MGAT5: variants seen among roughly 807,000 people sequenced by gnomAD.
The protein encoded by MGAT5 is alpha-1,6-mannosylglycoprotein 6-beta-N-acetylglucosaminyltransferase, also known as alpha-1,6-mannosylglycoprotein 6-beta-N-acetylglucosaminyltransferase A.
In MGAT5, 30 loss-of-function variants were observed where a neutral mutation model predicts 94.3. That is an observed-to-expected ratio of 0.32 (90% CI 0.24 to 0.43). The LOEUF (loss-of-function observed/expected upper bound fraction) is 0.43, where lower values mean the gene tolerates loss of function less well. MGAT5 is among the 20% of genes least tolerant of loss of function. The probability of loss-of-function intolerance (pLI) is 1.00; values close to 1 mark genes in which losing one functional copy is unlikely to be tolerated. For synonymous variants in MGAT5, 310 were observed against 322.9 expected, an observed-to-expected ratio of 0.96 and a Z score of 0.43; for missense variants, 691 against 905.5, an observed-to-expected ratio of 0.76 and a Z score of 3.04.
intron 10 of MGAT5, among the ~76,000 whole-genome samples, chr2:134,401,513 C>T (rs1049751826): frequency 2.0e-5 from 3 of 152,072 alleles, no homozygotes; most frequent in Admixed American, 1.3e-4. Flanking sequence ...GGTAACAGAG[C>T]CCCCTGCCTA....
At chr2:134,426,867 T>C (rs1684619688) in intron 13 of MGAT5, among the ~76,000 whole-genome samples, 1 of 152,222 alleles carries the variant, frequency 6.6e-6, no homozygotes, top group Admixed American at 6.5e-5. Context: ...ATGAGCTGTC[T>C]AGGAATAGAG....
intron 1 of MGAT5, among the ~76,000 whole-genome samples, chr2:134,199,543 A>C (rs1573849471): frequency 6.8e-6 from 1 of 147,446 alleles, no homozygotes. Context: ...ACCTCCTTCC[A>C]CTATTTGTTC....
chr2:134,314,885 G>A (rs1367460231), intron 2 of MGAT5, among the ~76,000 whole-genome samples: 1 of 152,146 alleles, frequency 6.6e-6, no homozygotes, highest in African/African-American at 2.4e-5. Flanking sequence ...GCCTGATTCT[G>A]TAAATAACAT....
chr2:134,319,950 G>C, intron 4 of MGAT5: 1 of 223,888 alleles, frequency 4.5e-6, no homozygotes, highest in South Asian at 5.5e-5. Context: ...CATCACATCT[G>C]TACTCTTGAA....
chr2:134,391,880 T>C (rs148080783), intron 10 of MGAT5, among the ~76,000 whole-genome samples: 61 of 152,342 alleles, frequency 4.0e-4, no homozygotes, highest in Middle Eastern at 3.4e-3. Context: ...GGGTGGTTAT[T>C]ACCTGAAGAG....
intron 1 of MGAT5, among the ~76,000 whole-genome samples, chr2:134,265,497 C>T (rs1356677042): frequency 6.6e-6 from 1 of 152,190 alleles, no homozygotes; most frequent in Non-Finnish European, 1.5e-5. Flanking sequence ...GCAGTTTAAT[C>T]GACCTTACCA....
chr2:134,202,877 A>T (rs1679862971), intron 1 of MGAT5, among the ~76,000 whole-genome samples: 1 of 152,174 alleles, frequency 6.6e-6, no homozygotes, highest in Non-Finnish European at 1.5e-5. Context: ...CTGTAATGTA[A>T]AAGGAAAAAA....
chr2:134,411,986 C>G (rs1336095177), intron 11 of MGAT5, among the ~76,000 whole-genome samples: 6 of 152,164 alleles, frequency 3.9e-5, no homozygotes, highest in African/African-American at 1.2e-4. Flanking sequence ...CTGGACCCTG[C>G]CCATCAACAA....
rs1387433167 is a variant in MGAT5, at chr2:134,302,353, C to T, written c.407-15176C>T. On this transcript the variant is annotated intron_variant, in intron 2 of 15. Coordinates refer to ENST00000281923, the MANE Select transcript of MGAT5 (RefSeq NM_002410.5). ...CACCATCCTTTGTACTATTGTTGTTCAATGTCTTACATCTATAAAGGCCTT... is the reference window on the plus strand; with the variant it reads ...CACCATCCTTTGTACTATTGTTGTTTAATGTCTTACATCTATAAAGGCCTT... Among the ~76,000 whole-genome samples, 4 of 152,134 alleles carry T rather than the reference C, an allele frequency of 2.6e-5. No individual in the cohort carries two copies. In the Middle Eastern group the frequency reaches 0.01, roughly 388 times the overall value.
At position 134,140,467 on chromosome 2, in the gene MGAT5, C is replaced by T. The variant is rs543283510; in HGVS notation, c.-143+20176C>T. Among the ~76,000 whole-genome samples the T allele has an allele frequency of 5.9e-5, 9 of 152,236 alleles. No homozygotes were observed. In the East Asian group the frequency reaches 1.5e-3, roughly 26 times the overall value. ...CCTCTGTGTCTTCCACAAAAGTGGG[C>T]GAGTTGGGTCAGATGTTATCCAGCG... On this transcript the variant is annotated intron_variant, in intron 1 of 16. Coordinates refer to the MGAT5 transcript ENST00000409645.
intron 4 of MGAT5, among the ~76,000 whole-genome samples, chr2:134,324,792 C>G (rs1687544669): frequency 6.6e-6 from 1 of 151,960 alleles, no homozygotes. Context: ...CGGATTGTTG[C>G]CCGAGAATAC....
At chr2:134,330,788 A>C (rs1273373197) in intron 4 of MGAT5, among the ~76,000 whole-genome samples, 1 of 152,136 alleles carries the variant, frequency 6.6e-6, no homozygotes, top group Admixed American at 6.6e-5. Flanking sequence ...GATTATACTT[A>C]AATCATCTGA....
In MGAT5 at chr2:134,426,188, T is replaced by C. The variant is rs1489960138; in HGVS notation, c.1795-2177T>C. ...CCCACAGGGTCCAGCAATATAGACCTACCTTCTGACTCACCGACTTCCTTC... is the reference window on the plus strand; with the variant it reads ...CCCACAGGGTCCAGCAATATAGACCCACCTTCTGACTCACCGACTTCCTTC... On this transcript the variant is annotated intron_variant, in intron 13 of 15. Coordinates refer to ENST00000281923, the MANE Select transcript of MGAT5 (RefSeq NM_002410.5). Among the ~76,000 whole-genome samples the C allele has an allele frequency of 3.4e-5, 5 of 148,806 alleles. No homozygotes were observed. The East Asian group carries it at 9.6e-4, about 29-fold the overall frequency.
upstream of MGAT5, among the ~76,000 whole-genome samples, chr2:134,249,703 T>C (rs1379240973): frequency 6.6e-6 from 1 of 152,260 alleles, no homozygotes; most frequent in African/African-American, 2.4e-5. Context: ...CTGCTGAGTA[T>C]GGATACTGCT....
intron 1 of MGAT5, among the ~76,000 whole-genome samples, chr2:134,218,479 G>T (rs947678770): frequency 6.6e-6 from 1 of 152,152 alleles, no homozygotes; most frequent in Admixed American, 6.5e-5. Context: ...CAGGGTGAGG[G>T]GTCAGGCTGC....
intron 2 of MGAT5, among the ~76,000 whole-genome samples, chr2:134,298,428 A>G (rs893846041): frequency 2.0e-5 from 3 of 152,170 alleles, no homozygotes; most frequent in African/African-American, 4.8e-5. Flanking sequence ...CCAAATAAAA[A>G]TTATGGTGTT....
intron 15 of MGAT5, among the ~76,000 whole-genome samples, chr2:134,446,697 G>C (rs563424047): frequency 1.2e-4 from 18 of 152,340 alleles, no homozygotes; most frequent in Admixed American, 9.8e-4. Context: ...AAGAGCAGGG[G>C]TGGTGGGGTA....
At chr2:134,145,630 A>G (rs984575041) in intron 1 of MGAT5, among the ~76,000 whole-genome samples, 2 of 152,248 alleles carry the variant, frequency 1.3e-5, no homozygotes, top group African/African-American at 4.8e-5. Context: ...AGTGAGGGGC[A>G]GGAAAAAGAG....
At chr2:134,300,435 T>TG (rs1360576296) in intron 2 of MGAT5, among the ~76,000 whole-genome samples, 1 of 152,056 alleles carries the variant, frequency 6.6e-6, no homozygotes, top group Non-Finnish European at 1.5e-5. Flanking sequence ...TTTCTGCACA[T>TG]GTGCGGTTAA....
Sources: gnomAD v4.1 joint callset for allele counts (sites outside exome capture counted in the v4.1 genomes callset) on GRCh38, gnomAD v4.1.1 for gene constraint, MANE v1.5 for transcripts, NCBI Gene and HGNC (gene_info 2026-07-23, HGNC 2026-07-21) for gene names.